DNER: variants seen among roughly 807,000 people sequenced by gnomAD.
DNER encodes delta and Notch-like epidermal growth factor-related receptor.
DNER carries 33 observed loss-of-function variants against 78.2 expected under a neutral mutation model. The ratio of observed to expected loss-of-function variants is 0.42; its 90% CI spans 0.32 to 0.56. DNER has a LOEUF of 0.56. Among genes scored for constraint, DNER ranks in the 20% least tolerant of loss-of-function variants. The pLI, the probability that DNER is intolerant of heterozygous loss-of-function variation, is 0.11. For missense variants in DNER, 918 were observed against 975.3 expected (o/e 0.94, Z 0.78); for synonymous variants, 417 against 384.8 (o/e 1.08, Z -0.98).
chr2:229,426,486 AAT>A (rs1693882511), intron 8 of DNER, among the ~76,000 whole-genome samples: 1 of 151,690 alleles, frequency 6.6e-6, no homozygotes, highest in Non-Finnish European at 1.5e-5. Flanking sequence ...CAGAGAAAAT[AAT>A]CCTATTATAT....
chr2:229,454,701 C>G (rs1046232702), intron 7 of DNER, among the ~76,000 whole-genome samples: 2 of 150,162 alleles, frequency 1.3e-5, no homozygotes, highest in African/African-American at 4.9e-5. Flanking sequence ...AGGCCCACTG[C>G]TATTAAATCA....
intron 1 of DNER, among the ~76,000 whole-genome samples, chr2:229,637,080 T>C (rs913374004): frequency 6.6e-6 from 1 of 152,168 alleles, no homozygotes; most frequent in South Asian, 2.1e-4. Context: ...TTTGGGTCCA[T>C]CTGTTTTCTC....
intron 5 of DNER, among the ~76,000 whole-genome samples, chr2:229,538,455 C>T (rs558398625): frequency 6.6e-6 from 1 of 152,290 alleles, no homozygotes; most frequent in South Asian, 2.1e-4. Context: ...CCCTCCGCCT[C>T]CTAGGTTCAA....
At chr2:229,441,067 C>T (rs1694224357) in intron 8 of DNER, among the ~76,000 whole-genome samples, 1 of 151,224 alleles carries the variant, frequency 6.6e-6, no homozygotes, top group African/African-American at 2.5e-5. Flanking sequence ...TCTACATTCT[C>T]CCCACATGTG....
At chr2:229,408,036 C>T (rs911578478) in intron 9 of DNER, among the ~76,000 whole-genome samples, 1 of 151,968 alleles carries the variant, frequency 6.6e-6, no homozygotes, top group African/African-American at 2.4e-5. Context: ...TGAGAGTGAC[C>T]CTGAATTGAC....
intron 11 of DNER, among the ~76,000 whole-genome samples, chr2:229,372,346 C>T (rs1200230981): frequency 6.6e-6 from 1 of 152,268 alleles, no homozygotes; most frequent in Admixed American, 6.5e-5. Context: ...GCCAAGAGAG[C>T]TTGCACAACA....
intron 7 of DNER, among the ~76,000 whole-genome samples, chr2:229,456,975 G>A (rs1694588549): frequency 6.6e-6 from 1 of 151,842 alleles, no homozygotes; most frequent in South Asian, 2.1e-4. Context: ...CAGATGACTT[G>A]TCACCAAGAT....
intron 1 of DNER, among the ~76,000 whole-genome samples, chr2:229,665,109 A>G (rs935954039): frequency 6.6e-6 from 1 of 152,228 alleles, no homozygotes; most frequent in Non-Finnish European, 1.5e-5. Flanking sequence ...TTTCTTTTGC[A>G]GGAAATATAA....
At chr2:229,391,645 G>A (rs998465943) in intron 10 of DNER, among the ~76,000 whole-genome samples, 5 of 152,158 alleles carry the variant, frequency 3.3e-5, no homozygotes, top group Admixed American at 2.0e-4. Flanking sequence ...AGGTTCAAGC[G>A]ATTCTCCTGC....
intron 5 of DNER, among the ~76,000 whole-genome samples, chr2:229,541,864 AATTTAT>A (rs1478186776): frequency 3.5e-5 from 5 of 144,040 alleles, no homozygotes; most frequent in Non-Finnish European, 7.5e-5. Flanking sequence ...GATTATATAT[AATTTAT>A]ATTTATATTT....
chr2:229,368,853 C>T (rs1433449952), intron 11 of DNER, among the ~76,000 whole-genome samples: 1 of 152,168 alleles, frequency 6.6e-6, no homozygotes, highest in Non-Finnish European at 1.5e-5. Context: ...ACAGTGATCT[C>T]TAAAAGACAG....
At chr2:229,499,395 A>G (rs902812324) in intron 6 of DNER, among the ~76,000 whole-genome samples, 2 of 150,360 alleles carry the variant, frequency 1.3e-5, no homozygotes, top group African/African-American at 4.9e-5. Context: ...CAGTGAGCCA[A>G]GATCATGCCA....
At chr2:229,412,401 C>T (rs962639300) in intron 9 of DNER, among the ~76,000 whole-genome samples, 2 of 152,098 alleles carry the variant, frequency 1.3e-5, no homozygotes, top group African/African-American at 4.8e-5. Flanking sequence ...TTGTTCTGTG[C>T]GAGCCACCAT....
At chr2:229,563,136 C>T (rs1696996480) in intron 4 of DNER, among the ~76,000 whole-genome samples, 1 of 139,594 alleles carries the variant, frequency 7.2e-6, no homozygotes, top group Non-Finnish European at 1.6e-5. Flanking sequence ...CTCATCCCAT[C>T]ACCATCATCA....
At chr2:229,669,369 C>CATATATATATATATATATATAT (rs58371383) in intron 1 of DNER, among the ~76,000 whole-genome samples, 393 of 144,656 alleles carry the variant, frequency 2.7e-3, no homozygotes, top group Admixed American at 6.5e-3. Flanking sequence ...TGTATACATA[C>CATATATATATATATATATATAT]ATATATATAT....
chr2:229,504,434 A>G (rs1695693446), intron 6 of DNER, among the ~76,000 whole-genome samples: 1 of 151,628 alleles, frequency 6.6e-6, no homozygotes, highest in Admixed American at 6.6e-5. Context: ...TGGCCAGGCT[A>G]GTCTCAAACT....
rs576511153 is a variant in DNER, at chr2:229,453,693, C to T, written c.1262-6153G>A. 2.0e-5 allele frequency among the ~76,000 whole-genome samples: 3 copies of T among 152,092 alleles called. No individual in the cohort carries two copies. The East Asian group carries it at 5.8e-4, about 30-fold the overall frequency. On this transcript the variant is annotated intron_variant, in intron 7 of 12. Transcript: ENST00000341772. Reference sequence around the variant, plus strand: ...TCACTCTCTCCTAGCACCTACCCCACCCTTTCTGCCTCCTCCATAAGTGGT... The same window carrying T: ...TCACTCTCTCCTAGCACCTACCCCATCCTTTCTGCCTCCTCCATAAGTGGT...
At chr2:229,600,207 TA>T (rs1559178898) in intron 1 of DNER, among the ~76,000 whole-genome samples, 1 of 152,218 alleles carries the variant, frequency 6.6e-6, no homozygotes, top group Non-Finnish European at 1.5e-5. Context: ...TTGTTTTTTG[TA>T]AATAAAGCTT....
At position 229,372,140 on chromosome 2, in the gene DNER, C is replaced by T. The variant is rs138365830; in HGVS notation, c.1856-5021G>A. Among the ~76,000 whole-genome samples the T allele has an allele frequency of 2.2e-3, 331 of 152,304 alleles. 2 individuals are homozygous for T. The highest frequency in any genetic ancestry group is 7.6e-3 in the African/African-American group (316 of 41,574). ...TTAAGGACCTACTATGTGCCAGGCA[C>T]AGTGCTGAGTGACAGGGATGGAAAG... On this transcript the variant is annotated intron_variant, in intron 11 of 12. Coordinates refer to ENST00000341772, the MANE Select transcript of DNER (RefSeq NM_139072.4).
Sources: allele counts gnomAD v4.1 joint callset (sites outside exome capture counted in the v4.1 genomes callset), GRCh38; gene constraint gnomAD v4.1.1; transcripts MANE v1.5; gene names NCBI Gene and HGNC (gene_info 2026-07-23, HGNC 2026-07-21).